The following RAPGEF5 variants were observed in gnomAD, a reference collection of about 807,000 sequenced individuals.
The protein encoded by RAPGEF5 is Rap guanine nucleotide exchange factor 5, also known as M-Ras-regulated GEF.
A neutral mutation model predicts 125.2 loss-of-function variants in RAPGEF5; 65 were observed. The observed-to-expected ratio is 0.52, with a 90% CI of 0.43 to 0.64. The LOEUF is 0.64. Ranked by LOEUF, RAPGEF5 falls within the 30% of genes least tolerant of loss-of-function variation. RAPGEF5 has a pLI of 0.00. For missense variants in RAPGEF5, 958 were observed against 1,048.1 expected (o/e 0.91, Z 1.19); for synonymous variants, 391 against 385.9 (o/e 1.01, Z -0.16).
At chr7:22,210,478 G>A (rs9639424) in intron 9 of RAPGEF5, among the ~76,000 whole-genome samples, 1 of 152,000 alleles carries the variant, frequency 6.6e-6, no homozygotes, top group Non-Finnish European at 1.5e-5. Flanking sequence ...ACCCCGACTC[G>A]CACCTCTGAG....
intron 1 of RAPGEF5, among the ~76,000 whole-genome samples, chr7:22,330,128 C>T (rs1441588334): frequency 2.0e-5 from 3 of 152,188 alleles, no homozygotes; most frequent in African/African-American, 4.8e-5. Flanking sequence ...AAAACGATGA[C>T]TCGACACATA....
intron 20 of RAPGEF5, among the ~76,000 whole-genome samples, chr7:22,142,532 A>G (rs1200556404): frequency 6.6e-6 from 1 of 152,212 alleles, no homozygotes; most frequent in Admixed American, 6.5e-5. Context: ...ACCCATAAAA[A>G]CACACATATA....
At chr7:22,247,888 C>T (rs1249026109) in intron 7 of RAPGEF5, among the ~76,000 whole-genome samples, 3 of 152,264 alleles carry the variant, frequency 2.0e-5, no homozygotes, top group Non-Finnish European at 2.9e-5. Flanking sequence ...AAACCAAATA[C>T]TGCATGTTCT....
Position 22,291,186 on chromosome 7 carries a change from G to A in RAPGEF5, c.736C>T (p.Leu246=), listed in dbSNP as rs780513113. ...TTGCATGGTCTTACCGCAGATGTTA[G>A]ACGCACAAGAATTTCATCACTGCTT... ...EESSDEILVR[L]TSAVQRELAA... The change falls in exon 6 of 26, where the codon CTA becomes TTA. Residue 246 remains leucine (L), a synonymous_variant. Coordinates refer to ENST00000665637, the MANE Select transcript of RAPGEF5 (RefSeq NM_012294.5). 6.3e-7 allele frequency: 1 copy of A among 1,589,994 alleles called. No homozygotes were observed. Among genetic ancestry groups the A allele is most frequent in the South Asian group, 1.2e-5 (1 of 85,642 alleles).
intron 11 of RAPGEF5, among the ~76,000 whole-genome samples, chr7:22,174,920 G>C (rs1222400323): frequency 6.6e-6 from 1 of 152,194 alleles, no homozygotes; most frequent in Non-Finnish European, 1.5e-5. Flanking sequence ...TGCCAAAGAG[G>C]GTTACAGTTA....
chr7:22,311,462 A>G (rs901232658), intron 3 of RAPGEF5, among the ~76,000 whole-genome samples: 2 of 152,176 alleles, frequency 1.3e-5, no homozygotes, highest in African/African-American at 4.8e-5. Context: ...AGTTACAAAT[A>G]CCCTAGAATC....
chr7:22,240,175 A>AC (rs1562777552), intron 7 of RAPGEF5, among the ~76,000 whole-genome samples: 1 of 145,166 alleles, frequency 6.9e-6, no homozygotes, highest in Non-Finnish European at 1.5e-5. Context: ...ACGCCACTGC[A>AC]CTCCACCCTG....
In RAPGEF5 at chr7:22,312,044, T is replaced by C. The variant is rs993568980; in HGVS notation, c.390-1954A>G. Reference sequence around the variant, plus strand: ...TACTAAACAAACTAAACTGTCAAACTGCAAAGGTAGCTAGATGGATACAGC... The same window carrying C: ...TACTAAACAAACTAAACTGTCAAACCGCAAAGGTAGCTAGATGGATACAGC... On this transcript the variant is annotated intron_variant, in intron 3 of 25. Coordinates refer to ENST00000665637, the MANE Select transcript of RAPGEF5 (RefSeq NM_012294.5). 5.3e-5 allele frequency among the ~76,000 whole-genome samples: 8 copies of C among 152,320 alleles called. No individual in the cohort carries two copies. In the South Asian group the frequency reaches 6.2e-4, roughly 12 times the overall value.
At chr7:22,280,865 T>G (rs1393172220) in intron 6 of RAPGEF5, among the ~76,000 whole-genome samples, 1 of 152,226 alleles carries the variant, frequency 6.6e-6, no homozygotes, top group Non-Finnish European at 1.5e-5. Context: ...TAAATTTCAT[T>G]CAAACAATCT....
At chr7:22,188,799 C>T (rs1784901640) in intron 11 of RAPGEF5, among the ~76,000 whole-genome samples, 1 of 150,968 alleles carries the variant, frequency 6.6e-6, no homozygotes, top group Admixed American at 6.6e-5. Flanking sequence ...CTAGGTTGAC[C>T]ATCAAGAGCT....
chr7:22,341,239 G>C (rs1443162662), intron 1 of RAPGEF5, among the ~76,000 whole-genome samples: 2 of 152,166 alleles, frequency 1.3e-5, no homozygotes, highest in Non-Finnish European at 2.9e-5. Flanking sequence ...CTTGTGCAGG[G>C]AAACTCCCCT....
In RAPGEF5 at chr7:22,356,902, C is replaced by T. The variant is rs1784432516; in HGVS notation, c.159G>A (p.Arg53=). 6 of 1,124,910 alleles carry T rather than the reference C, an allele frequency of 5.3e-6. No homozygotes were observed. The East Asian group carries it at 2.8e-4, about 52-fold the overall frequency. 69.7% of individuals were successfully genotyped at this position (1,124,910 alleles called of 1,614,324 possible). A position where few individuals can be genotyped will look rare whatever the true frequency, so the allele number is the denominator to read the frequency against. Residue 53 remains arginine (R), a synonymous_variant, in exon 1 of 26, where the codon CGG becomes CGA. Coordinates refer to ENST00000665637, the MANE Select transcript of RAPGEF5 (RefSeq NM_012294.5). ...REQPPASLRP[R]LRDLPALLRS... ...GCAGCAGCGCGGGCAGGTCCCTCAGCCGCGGCCGCAGCGACGCCGGCGGCT... is the reference window on the plus strand; with the variant it reads ...GCAGCAGCGCGGGCAGGTCCCTCAGTCGCGGCCGCAGCGACGCCGGCGGCT...
At chr7:22,179,505 C>T (rs1348014243) in intron 11 of RAPGEF5, among the ~76,000 whole-genome samples, 2 of 152,090 alleles carry the variant, frequency 1.3e-5, no homozygotes, top group Non-Finnish European at 2.9e-5. Context: ...ATGTCAGAGG[C>T]ATTTGAGCCA....
intron 9 of RAPGEF5, among the ~76,000 whole-genome samples, chr7:22,206,691 A>C (rs1785405959): frequency 6.6e-6 from 1 of 151,568 alleles, no homozygotes; most frequent in Non-Finnish European, 1.5e-5. Context: ...GTCACAAGAA[A>C]AAAAAAAAAA....
intron 9 of RAPGEF5, among the ~76,000 whole-genome samples, chr7:22,198,924 G>A (rs903511321): frequency 2.6e-5 from 4 of 152,140 alleles, no homozygotes; most frequent in African/African-American, 7.2e-5. Context: ...AGACAGGCTC[G>A]ACACCAGTGC....
chr7:22,224,708 C>G (rs1324091557), intron 8 of RAPGEF5, among the ~76,000 whole-genome samples: 1 of 152,060 alleles, frequency 6.6e-6, no homozygotes, highest in Non-Finnish European at 1.5e-5. Flanking sequence ...AACCCGTCAC[C>G]ATGGGGAGCC....
chr7:22,136,789 G>A, intron 22 of RAPGEF5, 144 bp downstream of exon 22: 2 of 680,514 alleles, frequency 2.9e-6, no homozygotes, highest in Non-Finnish European at 4.9e-6. Context: ...TCCATAAGAA[G>A]CAAAGCTACA....
intron 7 of RAPGEF5, among the ~76,000 whole-genome samples, chr7:22,240,141 CA>C: frequency 6.9e-6 from 1 of 145,902 alleles, no homozygotes; most frequent in Non-Finnish European, 1.5e-5. Flanking sequence ...ACCTGGGAAG[CA>C]GAGGTTGCAG....
intron 1 of RAPGEF5, among the ~76,000 whole-genome samples, chr7:22,319,515 T>C (rs2128155438): frequency 6.6e-6 from 1 of 152,286 alleles, no homozygotes; most frequent in South Asian, 2.1e-4. Context: ...GAAAATAAAT[T>C]TTATAAGGTA....
Sources: allele counts gnomAD v4.1 joint callset (sites outside exome capture counted in the v4.1 genomes callset), GRCh38; gene constraint gnomAD v4.1.1; transcripts MANE v1.5; gene names NCBI Gene and HGNC (gene_info 2026-07-23, HGNC 2026-07-21).